The following RETREG1 variants were observed in gnomAD, a reference collection of about 807,000 sequenced individuals.
RETREG1 encodes the protein reticulophagy regulator 1.
In RETREG1, 44 loss-of-function variants were observed where a neutral mutation model predicts 54.8. The ratio of observed to expected loss-of-function variants is 0.80; its 90% confidence interval spans 0.63 to 1.03. The LOEUF is 1.03. RETREG1 is among the 50% of genes least tolerant of loss of function. The probability of loss-of-function intolerance (pLI) is 0.00; values close to 1 mark genes in which losing one functional copy is unlikely to be tolerated. For synonymous variants in RETREG1, 217 were observed against 238.5 expected (o/e 0.91, Z 0.83); for missense variants, 554 against 605.1 (o/e 0.92, Z 0.89).
intron 3 of RETREG1, among the ~76,000 whole-genome samples, chr5:16,563,265 T>C (rs1741917812): frequency 6.6e-6 from 1 of 152,190 alleles, no homozygotes; most frequent in Non-Finnish European, 1.5e-5. Flanking sequence ...ATTTATTTTA[T>C]GTTATTTTTT....
chr5:16,596,794 G>A (rs1465286148), intron 1 of RETREG1, among the ~76,000 whole-genome samples: 1 of 152,128 alleles, frequency 6.6e-6, no homozygotes, highest in Non-Finnish European at 1.5e-5. Context: ...ACGTGACAAA[G>A]AAGCCCTGTG....
chr5:16,606,872 T>C (rs750643375), intron 1 of RETREG1, among the ~76,000 whole-genome samples: 19 of 152,148 alleles, frequency 1.2e-4, no homozygotes, highest in Non-Finnish European at 2.9e-5. Context: ...TCTGGCACAG[T>C]TGTGGCATGA....
chr5:16,577,892 T>C (rs1171357549), intron 1 of RETREG1, among the ~76,000 whole-genome samples: 2 of 152,220 alleles, frequency 1.3e-5, no homozygotes, highest in African/African-American at 2.4e-5. Context: ...TCCACCATGA[T>C]TGTGAGGCCT....
chr5:16,537,025 C>T lies in RETREG1; in HGVS notation c.458+28738G>A, dbSNP rs187328396. Among the ~76,000 whole-genome samples the T allele has an allele frequency of 7.2e-4, 110 of 152,204 alleles. 1 individual carries two copies. The highest frequency in any genetic ancestry group is 3.4e-3 in the Middle Eastern group (1 of 294). ...AGCTGACTTCCCTTCTCTACTCTTC[C>T]CCTGACCAGTCCATGCCAATCCCAC... On this transcript the variant is annotated intron_variant, in intron 3 of 8. Transcript: ENST00000306320.
At chr5:16,489,682 G>A (rs1469653622) in intron 3 of RETREG1, among the ~76,000 whole-genome samples, 2 of 152,204 alleles carry the variant, frequency 1.3e-5, no homozygotes, top group Non-Finnish European at 2.9e-5. Context: ...TGGGACTGAG[G>A]GTTGACTAAG....
intron 3 of RETREG1, among the ~76,000 whole-genome samples, chr5:16,502,160 A>G (rs1739745590): frequency 6.6e-6 from 1 of 151,236 alleles, no homozygotes; most frequent in Non-Finnish European, 1.5e-5. Context: ...GGGTTTCAAC[A>G]TGTTAGCCAG....
chr5:16,611,522 C>G (rs1193745649), intron 1 of RETREG1, among the ~76,000 whole-genome samples: 1 of 152,204 alleles, frequency 6.6e-6, no homozygotes, highest in African/African-American at 2.4e-5. Flanking sequence ...ACGGACCTTT[C>G]ACTCCATTCT....
chr5:16,488,728 G>C (rs1320860765), intron 3 of RETREG1, among the ~76,000 whole-genome samples: 1 of 152,186 alleles, frequency 6.6e-6, no homozygotes. Flanking sequence ...GAAGGGTCTT[G>C]CCTCAGTAGC....
intron 1 of RETREG1, among the ~76,000 whole-genome samples, chr5:16,603,858 CCCACCCG>C (rs1413686357): frequency 7.1e-6 from 1 of 141,706 alleles, no homozygotes; most frequent in Non-Finnish European, 1.6e-5. Context: ...CCACCCACCC[CCCACCCG>C]CCACCCTGGG....
intron 4 of RETREG1, 125 bp downstream of exon 4, chr5:16,483,221 G>T: frequency 9.1e-7 from 1 of 1,102,850 alleles, no homozygotes. Flanking sequence ...CAGCTTTTAT[G>T]GCATATGTTC....
rs552497052 is a variant in RETREG1 at position 16,526,236 on chromosome 5, A to C, written c.458+39527T>G. On this transcript the variant is annotated intron_variant, in intron 3 of 8. Coordinates refer to ENST00000306320, the MANE Select transcript of RETREG1 (RefSeq NM_001034850.3). ...AAATATTTTGTTTCCAAGAAAAATCAATCAGTCTTGATCCACAGGCATGCC... is the reference window on the plus strand; with the variant it reads ...AAATATTTTGTTTCCAAGAAAAATCCATCAGTCTTGATCCACAGGCATGCC... Among the ~76,000 whole-genome samples the C allele has an allele frequency of 3.3e-5, 5 of 152,370 alleles. No homozygotes were observed. The East Asian group carries it at 9.6e-4, about 29-fold the overall frequency.
At chr5:16,492,645 G>A (rs997553786) in intron 3 of RETREG1, among the ~76,000 whole-genome samples, 1 of 152,002 alleles carries the variant, frequency 6.6e-6, no homozygotes, top group East Asian at 1.9e-4. Context: ...AATTCCTGTC[G>A]AATTTTTCTT....
intron 3 of RETREG1, among the ~76,000 whole-genome samples, chr5:16,522,140 A>T (rs183334257): frequency 1.4e-4 from 22 of 152,028 alleles, no homozygotes; most frequent in African/African-American, 4.8e-4. Context: ...GTATCTAGGC[A>T]TTTTCCAAGA....
intron 3 of RETREG1, among the ~76,000 whole-genome samples, chr5:16,519,483 AC>A (rs1740462030): frequency 6.6e-6 from 1 of 152,154 alleles, no homozygotes; most frequent in South Asian, 2.1e-4. Flanking sequence ...AGAAAGCAGA[AC>A]CTTTTTCTCA....
chr5:16,510,573 C>T (rs1282742785), intron 3 of RETREG1, among the ~76,000 whole-genome samples: 7 of 151,712 alleles, frequency 4.6e-5, no homozygotes, highest in Admixed American at 2.6e-4. Flanking sequence ...GCAGATCACC[C>T]GAGGTTAGGA....
At position 16,616,755 on chromosome 5, in the gene RETREG1, C is replaced by A. The variant is rs747031648; in HGVS notation, c.217G>T (p.Gly73Trp). The A allele has an allele frequency of 1.3e-6, 2 of 1,566,054 alleles. No homozygotes were observed. The highest frequency in any genetic ancestry group is 8.6e-7 in the Non-Finnish European group (1 of 1,163,804). Reference protein sequence around the residue: ...RAAAAVTWLLGEPVLWLGCRA... With the variant: ...RAAAAVTWLLWEPVLWLGCRA... ...CAGCCCAGCCACAGCACCGGCTCCC[C>A]GAGCAGCCAGGTTACCGCGGCCGCC... The change falls in exon 1 of 9, where the codon GGG becomes TGG. Residue 73 changes from glycine to tryptophan, a missense_variant. This residue lies in a region of RETREG1 where 175 missense variants were observed against 142.1 expected (regional missense o/e 1.23). Transcript: ENST00000306320.
intron 3 of RETREG1, among the ~76,000 whole-genome samples, chr5:16,534,378 G>A (rs895584162): frequency 3.9e-5 from 6 of 152,206 alleles, no homozygotes; most frequent in South Asian, 2.1e-4. Context: ...TCTAAGAACT[G>A]AGATGCAAGG....
At chr5:16,543,965 G>A (rs1741318246) in intron 3 of RETREG1, among the ~76,000 whole-genome samples, 1 of 146,064 alleles carries the variant, frequency 6.8e-6, no homozygotes, top group Admixed American at 6.8e-5. Flanking sequence ...TTTGTTTATT[G>A]CCAAGTTTTT....
intron 3 of RETREG1, among the ~76,000 whole-genome samples, chr5:16,547,826 T>C (rs1027922285): frequency 3.3e-5 from 5 of 152,194 alleles, no homozygotes; most frequent in Admixed American, 6.5e-5. Context: ...GTTCTGGTTT[T>C]GAAAGAGGGA....
Sources: allele counts gnomAD v4.1 joint callset (sites outside exome capture counted in the v4.1 genomes callset), GRCh38; gene constraint gnomAD v4.1.1; regional missense constraint gnomAD v4.1.1; transcripts MANE v1.5; gene names NCBI Gene and HGNC (gene_info 2026-07-23, HGNC 2026-07-21).